MYO1A: variants seen among roughly 807,000 people sequenced by gnomAD.
The protein encoded by MYO1A is myosin IA, also known as unconventional myosin-Ia.
Under a neutral mutation model 138.5 loss-of-function variants are expected in MYO1A, and 127 were observed. The ratio of observed to expected loss-of-function variants is 0.92; its 90% CI spans 0.79 to 1.06. MYO1A has a LOEUF of 1.06. Among genes scored for constraint, MYO1A ranks in the 50% least tolerant of loss-of-function variants. The pLI, the probability that MYO1A is intolerant of heterozygous loss-of-function variation, is 0.00. For synonymous variants in MYO1A, 477 were observed against 497.5 expected, an observed-to-expected ratio of 0.96 and a Z score of 0.55; for missense variants, 1,211 against 1,288.8, an observed-to-expected ratio of 0.94 and a Z score of 0.92.
intron 14 of MYO1A, among the ~76,000 whole-genome samples, chr12:57,040,218 T>C (rs949095101): frequency 6.6e-6 from 1 of 152,254 alleles, no homozygotes; most frequent in Non-Finnish European, 1.5e-5. Context: ...AATTATGATA[T>C]TCTTAAAATA....
intron 18 of MYO1A, 114 bp from the exon 19 acceptor site, chr12:57,037,755 A>T: frequency 6.7e-7 from 1 of 1,495,142 alleles, no homozygotes; most frequent in South Asian, 1.1e-5. Context: ...TCATTTCTCA[A>T]AGTATCCATT....
At chr12:57,038,215 CT>C in intron 17 of MYO1A, 146 bp from the exon 18 acceptor site, 1 of 1,121,906 alleles carries the variant, frequency 8.9e-7, no homozygotes, top group Non-Finnish European at 1.3e-6. Context: ...GTTTCACTCA[CT>C]TCTATGTATT....
chr12:57,048,071 G>A lies in MYO1A; in HGVS notation c.148C>T (p.Pro50Ser). The change falls in exon 3 of 28, where the codon CCC (proline) becomes TCC (serine). Residue 50 changes from proline (P) to serine (S), a missense_variant. Physicochemically the swap from Pro to Ser is moderately conservative, Grantham distance 74 (BLOSUM62 -1). Coordinates refer to ENST00000300119, the MANE Select transcript of MYO1A (RefSeq NM_005379.4). The part of the protein sequence containing the change: ...YIGNVVISVN[P>S]YQQLPIYGPE... The stretch of plus-strand genomic sequence containing the variant: ...CCATAGATGGGAAGCTGTTGATAGG[G>A]ATTCACTGAGATCACCACATTCCCA... 5.6e-6 allele frequency: 9 copies of A among 1,614,112 alleles called. No individual in the cohort carries two copies. The highest frequency in any genetic ancestry group is 7.6e-6 in the Non-Finnish European group (9 of 1,179,970).
rs767317615 is a variant in MYO1A at position 57,048,077 on chromosome 12, C to A, written c.142G>T (p.Val48Leu). 6.2e-7 allele frequency: 1 copy of A among 1,614,074 alleles called. No individual in the cohort carries two copies. The highest frequency in any genetic ancestry group is 1.3e-5 in the African/African-American group (1 of 74,928). Reference sequence around the variant, plus strand: ...ATGGGAAGCTGTTGATAGGGATTCACTGAGATCACCACATTCCCAATGTAG... The same window carrying A: ...ATGGGAAGCTGTTGATAGGGATTCAATGAGATCACCACATTCCCAATGTAG... ...YTYIGNVVISVNPYQQLPIYG... is the reference protein window; with the variant it reads ...YTYIGNVVISLNPYQQLPIYG... Residue 48 changes from valine to leucine, a missense_variant, in exon 3 of 28, where the codon GTG becomes TTG. By Grantham distance (32) the Val-to-Leu change is conservative. Coordinates refer to ENST00000300119, the MANE Select transcript of MYO1A (RefSeq NM_005379.4).
intron 10 of MYO1A, 115 bp from the exon 11 acceptor site, chr12:57,043,473 G>GC (rs2030954646): frequency 9.7e-7 from 1 of 1,030,546 alleles, no homozygotes; most frequent in Non-Finnish European, 1.5e-6. Flanking sequence ...TCTCACTGGA[G>GC]AAGTCATTGC....
rs772038975 is a variant in MYO1A at position 57,036,813 on chromosome 12, C to T, written c.2233G>A (p.Ala745Thr). 14 of 1,614,094 alleles carry T rather than the reference C, an allele frequency of 8.7e-6. No individual in the cohort carries two copies. The highest frequency in any genetic ancestry group is 1.2e-5 in the Non-Finnish European group (14 of 1,180,048). ...MQKKCYGKIK[A>T]SVLLIQAFVR... ...AAAGCCTGGATCAATAACACGGATG[C>T]CTTTATCTTCCCATAGCATTTCTTT... The change falls in exon 21 of 28, where the codon GCA (alanine) becomes ACA (threonine). Residue 745 changes from alanine to threonine, a missense_variant. Physicochemically the swap from Ala to Thr is moderately conservative, Grantham distance 58 (BLOSUM62 0). Transcript: ENST00000300119.
At position 57,047,013 on chromosome 12, in the gene MYO1A, CT is replaced by C; in HGVS notation, c.477+47del. ...AGGGGTCTGTGCCACATTCCTCCCT[CT>C]TAAGCCCCCACATCCTCTCTTCCCA... On this transcript the variant is annotated intron_variant, in intron 6 of 27. Transcript: ENST00000300119. The C allele has an allele frequency of 3.1e-6, 5 of 1,612,944 alleles. No homozygotes were observed. In the South Asian group the frequency reaches 5.5e-5, roughly 18 times the overall value.
chr12:57,037,892 C>A lies in MYO1A; in HGVS notation c.1938G>T (p.Trp646Cys). The change falls in exon 18 of 28, where the codon TGG becomes TGT. Residue 646 changes from tryptophan (W) to cysteine (C), a missense_variant. Trp to Cys is a radical substitution (Grantham distance 215, BLOSUM62 -2). Coordinates refer to ENST00000300119, the MANE Select transcript of MYO1A (RefSeq NM_005379.4). ...ACCGGTCTCCCCCATTCCAGTGAGG[C>A]CAGGTGCTCCGGCTCAGCAATCGGT... ...ERYRLLSRST[W>C]PHWNGGDREG... The A allele has an allele frequency of 6.2e-7, 1 of 1,614,186 alleles. No individual in the cohort carries two copies. The highest frequency in any genetic ancestry group is 1.1e-5 in the South Asian group (1 of 91,088).
intron 3 of MYO1A, 99 bp from the exon 4 acceptor site, chr12:57,047,820 T>G: frequency 6.4e-7 from 1 of 1,568,896 alleles, no homozygotes; most frequent in Non-Finnish European, 8.6e-7. Context: ...TCTCTCTACT[T>G]GGAGCAGACT....
intron 18 of MYO1A, 32 bp downstream of exon 18, chr12:57,037,837 T>C (rs2030637143): frequency 6.2e-7 from 1 of 1,611,244 alleles, no homozygotes; most frequent in Non-Finnish European, 8.5e-7. Context: ...CACTGCCCTT[T>C]CCTGATGCCC....
At chr12:57,044,358 T>G (rs943277289) in intron 8 of MYO1A, 149 bp from the exon 9 acceptor site, 7 of 700,432 alleles carry the variant, frequency 1.0e-5, no homozygotes, top group African/African-American at 8.9e-5. Flanking sequence ...GCCTCCTTTG[T>G]TTTGGGATCA....
intron 22 of MYO1A, among the ~76,000 whole-genome samples, chr12:57,035,367 C>A (rs1592472617): frequency 6.6e-6 from 1 of 152,108 alleles, no homozygotes. Context: ...AGAGGACGAG[C>A]AAATGAAGGC....
chr12:57,029,930 C>T, intron 24 of MYO1A, 58 bp from the exon 25 acceptor site: 2 of 1,613,334 alleles, frequency 1.2e-6, no homozygotes, highest in Non-Finnish European at 8.5e-7. Context: ...TTCCCCACCC[C>T]CAGAGTTCCC....
chr12:57,047,951 T>G (rs373774553), intron 3 of MYO1A, 38 bp downstream of exon 3: 4 of 1,593,638 alleles, frequency 2.5e-6, no homozygotes, highest in Non-Finnish European at 3.4e-6. Context: ...GTCAAGAAGC[T>G]GGGGCCCTGT....
In MYO1A at chr12:57,047,127, A is replaced by G; in HGVS notation, c.431-20T>C. ...CAAAAGCTACAGAGATGAGGAGGGG[A>G]GAAGTGAAACTCTAGAGAAGGGAAA... On this transcript the variant is annotated intron_variant, in intron 5 of 27. Transcript: ENST00000300119. The G allele has an allele frequency of 6.2e-7, 1 of 1,613,866 alleles. No homozygotes were observed. The highest frequency in any genetic ancestry group is 8.5e-7 in the Non-Finnish European group (1 of 1,179,820).
Position 57,047,211 on chromosome 12 carries a change from G to A in MYO1A, c.430+92C>T, listed in dbSNP as rs536918140. The A allele has an allele frequency of 3.3e-4, 518 of 1,582,216 alleles. 3 individuals carry two copies. The African/African-American group carries it at 6.4e-3, about 20-fold the overall frequency. ...AGATTTTTCTGGGTCGAACAAGAGAGGTGATTTTGCAGCACTGGGGAAGAG... is the reference window on the plus strand; with the variant it reads ...AGATTTTTCTGGGTCGAACAAGAGAAGTGATTTTGCAGCACTGGGGAAGAG... On this transcript the variant is annotated intron_variant, in intron 5 of 27. Transcript: ENST00000300119.
rs200944545 is a variant in MYO1A at position 57,036,938 on chromosome 12, G to A, written c.2205+4C>T. On this transcript the variant is annotated splice_donor_region_variant and intron_variant, in intron 20 of 27. Transcript: ENST00000300119. ...ACAGAGTGGGACTTTGGGGATGACC[G>A]TACCATGTTTCCCCGAAACCAAGAG... 2.0e-5 allele frequency: 33 copies of A among 1,614,198 alleles called. No homozygotes were observed. Among genetic ancestry groups the A allele is most frequent in the East Asian group, 6.7e-5 (3 of 44,892 alleles).
intron 22 of MYO1A, among the ~76,000 whole-genome samples, chr12:57,035,805 T>A (rs147431795): frequency 2.6e-5 from 4 of 152,342 alleles, no homozygotes; most frequent in Admixed American, 1.3e-4. Flanking sequence ...ACCCACGTCC[T>A]CCAGAATTAG....
rs752429703 is a variant in MYO1A at position 57,038,072 on chromosome 12, G to C, written c.1761-3C>G. On this transcript the variant is annotated splice_polypyrimidine_tract_variant and splice_region_variant and intron_variant, in intron 17 of 27. Coordinates refer to ENST00000300119, the MANE Select transcript of MYO1A (RefSeq NM_005379.4). Reference sequence around the variant, plus strand: ...GATGCTCATTGGGCTTTATGCACCTGGTGGGAGGTGGGGTAAGGCACAGCC... The same window carrying C: ...GATGCTCATTGGGCTTTATGCACCTCGTGGGAGGTGGGGTAAGGCACAGCC... The C allele has an allele frequency of 6.2e-7, 1 of 1,613,810 alleles. No homozygotes were observed. The highest frequency in any genetic ancestry group is 1.7e-5 in the Admixed American group (1 of 60,034).
Sources: allele counts gnomAD v4.1 joint callset (sites outside exome capture counted in the v4.1 genomes callset), GRCh38; gene constraint gnomAD v4.1.1; transcripts MANE v1.5; gene names NCBI Gene and HGNC (gene_info 2026-07-23, HGNC 2026-07-21).